The following MOK variants were observed in gnomAD, a reference collection of about 807,000 sequenced individuals.
MOK encodes the protein MAPK/MAK/MRK overlapping kinase.
In MOK, 59 loss-of-function variants were observed where a neutral mutation model predicts 54.2. That is an observed-to-expected ratio of 1.09 (90% CI 0.88 to 1.35). The LOEUF is 1.35. Ranked by LOEUF, MOK falls within the 40% of genes most tolerant of loss-of-function variation. MOK has a pLI of 0.00. For synonymous variants in MOK, 210 were observed against 202.7 expected, an observed-to-expected ratio of 1.04 and a Z score of -0.31; for missense variants, 517 against 526.2, an observed-to-expected ratio of 0.98 and a Z score of 0.17.
chr14:102,259,432 G>A (rs1477686795), intron 4 of MOK, among the ~76,000 whole-genome samples: 1 of 152,028 alleles, frequency 6.6e-6, no homozygotes, highest in Non-Finnish European at 1.5e-5. Context: ...AGAGACCCAG[G>A]GCAGCAACAG....
At chr14:102,273,527 G>T (rs552609149) in intron 2 of MOK, among the ~76,000 whole-genome samples, 3 of 152,068 alleles carry the variant, frequency 2.0e-5, no homozygotes, top group Admixed American at 2.0e-4. Flanking sequence ...CCTGTAATCT[G>T]AGCACTTTGC....
chr14:102,261,901 T>C (rs2067501958), intron 4 of MOK, among the ~76,000 whole-genome samples: 1 of 151,488 alleles, frequency 6.6e-6, no homozygotes, highest in Non-Finnish European at 1.5e-5. Flanking sequence ...TGGAGTGCAG[T>C]GGCATGATCT....
At position 102,252,905 on chromosome 14, in the gene MOK, A is replaced by G. The variant is rs116212806; in HGVS notation, c.284-910T>C. 8.3e-3 allele frequency among the ~76,000 whole-genome samples: 1,268 copies of G among 152,348 alleles called. 23 individuals carry two copies. The highest frequency in any genetic ancestry group is 0.028 in the African/African-American group (1,180 of 41,576). On this transcript the variant is annotated intron_variant, in intron 4 of 11. Coordinates refer to ENST00000361847, the MANE Select transcript of MOK (RefSeq NM_014226.3). ...AATATGACATAGGAGAGGTTAAAAT[A>G]GAAGAGATGGCAGTCTTAACTTTGT...
At chr14:102,223,718 A>G (rs1012964078), downstream of MOK, 1 of 152,282 alleles carries the variant, frequency 6.6e-6, no homozygotes, top group African/African-American at 2.4e-5. Context: ...TGTCCTGTAC[A>G]TTTGGGTTGA....
chr14:102,262,306 C>T (rs2067546009), intron 4 of MOK, among the ~76,000 whole-genome samples: 1 of 152,126 alleles, frequency 6.6e-6, no homozygotes, highest in Admixed American at 6.5e-5. Context: ...CCACCATGCC[C>T]GGCTAATTTT....
In MOK at chr14:102,232,239, G is replaced by GC. The variant is rs1644213561; in HGVS notation, c.866+295dup. On this transcript the variant is annotated intron_variant, in intron 9 of 11. Transcript: ENST00000361847. This position sits in a 1 kb window ranked among gnomAD's most constrained non-coding sequence, Gnocchi z 5.1. ...CCTGTTCACACCATTTACAAGGGCC[G>GC]CACACCAGGCTCTTCTAGAAGGATT... 1 of 377,464 alleles carries GC rather than the reference G, an allele frequency of 2.6e-6. No individual in the cohort carries two copies. The highest frequency in any genetic ancestry group is 2.1e-5 in the African/African-American group (1 of 48,734). The allele number at this position is 377,464 out of a possible 1,614,324, so 23.4% of individuals were successfully genotyped here.
chr14:102,282,409 T>C (rs1186104261), intron 2 of MOK, among the ~76,000 whole-genome samples: 1 of 152,040 alleles, frequency 6.6e-6, no homozygotes, highest in Admixed American at 6.6e-5. Context: ...CAAGGACCTC[T>C]AATACATTTA....
At chr14:102,234,045 A>C in intron 7 of MOK, 1 of 384,958 alleles carries the variant, frequency 2.6e-6, no homozygotes, top group Non-Finnish European at 4.7e-6. Context: ...CTTCCCCAAT[A>C]TAAACCCCTC....
chr14:102,234,951 A>G (rs2065078777), intron 7 of MOK: 2 of 151,518 alleles, frequency 1.3e-5, no homozygotes, highest in Middle Eastern at 3.4e-3. Flanking sequence ...TCCAAACCCG[A>G]CTCACCTCCT....
At chr14:102,224,037 AT>A (rs533802492), downstream of MOK, among the ~76,000 whole-genome samples, 555 of 123,098 alleles carry the variant, frequency 4.5e-3, no homozygotes, top group African/African-American at 0.012. Context: ...TTTACCTGAG[AT>A]TTTTTTTTTT....
intron 4 of MOK, among the ~76,000 whole-genome samples, chr14:102,263,052 T>C (rs1017289970): frequency 6.6e-6 from 1 of 152,206 alleles, no homozygotes; most frequent in African/African-American, 2.4e-5. Context: ...GCAAACATGC[T>C]CTCTTAAACA....
At chr14:102,241,247 A>G (rs1249354676) in intron 7 of MOK, among the ~76,000 whole-genome samples, 1 of 152,044 alleles carries the variant, frequency 6.6e-6, no homozygotes, top group Non-Finnish European at 1.5e-5. Flanking sequence ...CTACAGACCC[A>G]TCTGACCCCT....
downstream of MOK, among the ~76,000 whole-genome samples, chr14:102,228,324 G>A (rs1307121136): frequency 6.6e-6 from 1 of 152,250 alleles, no homozygotes; most frequent in Non-Finnish European, 1.5e-5. Flanking sequence ...ACCTCGCCAG[G>A]CTGGTCACTG....
chr14:102,242,012 G>C (rs529238124), intron 7 of MOK, among the ~76,000 whole-genome samples: 56 of 152,236 alleles, frequency 3.7e-4, no homozygotes, highest in East Asian at 1.9e-3. Context: ...TGTCCAACTC[G>C]CCCAGCAGCC....
In MOK at chr14:102,246,814, C is replaced by T. The variant is rs371465860; in HGVS notation, c.590+3998G>A. On this transcript the variant is annotated intron_variant, in intron 7 of 11. Coordinates refer to ENST00000361847, the MANE Select transcript of MOK (RefSeq NM_014226.3). Reference sequence around the variant, plus strand: ...AACAACCCACACAATCTTATCCTATCCAGCACCACTGTGCGCCAGCGACAT... The same window carrying T: ...AACAACCCACACAATCTTATCCTATTCAGCACCACTGTGCGCCAGCGACAT... 6.6e-5 allele frequency among the ~76,000 whole-genome samples: 10 copies of T among 152,286 alleles called. No individual in the cohort carries two copies. In the East Asian group the frequency reaches 1.4e-3, roughly 21 times the overall value.
intron 4 of MOK, among the ~76,000 whole-genome samples, chr14:102,260,075 C>A (rs576433312): frequency 6.6e-6 from 1 of 151,548 alleles, no homozygotes; most frequent in East Asian, 1.9e-4. Context: ...ACTTGGGAGG[C>A]TAAGGCAGGA....
intron 7 of MOK, among the ~76,000 whole-genome samples, chr14:102,239,774 CAGG>C (rs1366604902): frequency 6.6e-6 from 1 of 152,144 alleles, no homozygotes; most frequent in East Asian, 1.9e-4. Context: ...GAGGCTGAGG[CAGG>C]AGAATCACTT....
chr14:102,296,302 A>G (rs1368947350), intron 1 of MOK, among the ~76,000 whole-genome samples: 1 of 151,854 alleles, frequency 6.6e-6, no homozygotes, highest in African/African-American at 2.4e-5. Context: ...ATGTTCAAGC[A>G]TCTTCATAGA....
chr14:102,239,963 G>T (rs2065576706), intron 7 of MOK, among the ~76,000 whole-genome samples: 1 of 152,076 alleles, frequency 6.6e-6, no homozygotes, highest in Admixed American at 6.6e-5. Context: ...TTACTGTCAG[G>T]CCTCTGAGCC....
Sources: allele counts gnomAD v4.1 joint callset (sites outside exome capture counted in the v4.1 genomes callset), GRCh38; gene constraint gnomAD v4.1.1; non-coding constraint Gnocchi (gnomAD v3.1); transcripts MANE v1.5; gene names NCBI Gene and HGNC (gene_info 2026-07-23, HGNC 2026-07-21).